The following ABCB5 variants were observed in gnomAD, a reference collection of about 807,000 sequenced individuals.
The protein encoded by ABCB5 is ATP-binding cassette sub-family B member 5.
ABCB5 carries 155 observed loss-of-function variants against 144.2 expected under a neutral mutation model. The observed-to-expected ratio is 1.08, with a 90% CI of 0.94 to 1.23. The LOEUF is 1.23. Among genes scored for constraint, ABCB5 ranks in the 50% most tolerant of loss-of-function variants. The pLI is 0.00. For missense variants in ABCB5, 1,830 were observed against 1,520.8 expected, an observed-to-expected ratio of 1.20 and a Z score of -3.38; for synonymous variants, 610 against 528.6, an observed-to-expected ratio of 1.15 and a Z score of -2.11.
At chr7:20,709,990 G>A (rs114460457) in intron 20 of ABCB5, among the ~76,000 whole-genome samples, 2,675 of 147,826 alleles carry the variant, frequency 0.018, 239 homozygotes, top group African/African-American at 0.063. Context: ...GAAGAGAATC[G>A]CTTGAACCCG....
chr7:20,724,782 G>A (rs879469924), intron 21 of ABCB5, among the ~76,000 whole-genome samples: 15 of 151,982 alleles, frequency 9.9e-5, no homozygotes, highest in Admixed American at 7.9e-4. Flanking sequence ...TAGCATAAAT[G>A]TCATACATAT....
chr7:20,751,910 C>T (rs1782942437), intron 26 of ABCB5, among the ~76,000 whole-genome samples: 1 of 152,228 alleles, frequency 6.6e-6, no homozygotes, highest in African/African-American at 2.4e-5. Context: ...TTTTACTAGG[C>T]TTTAGTAATT....
rs765200528 is a variant in ABCB5, at chr7:20,699,806, A to G, written c.2155-19A>G. On this transcript the variant is annotated intron_variant, in intron 17 of 27. Coordinates refer to ENST00000404938, the MANE Select transcript of ABCB5 (RefSeq NM_001163941.2). ...TATATTTTCCCCCAAACACCTGATA[A>G]AAATCTGTTCCTTTTCAGATGTTTG... 24 of 1,535,496 alleles carry G rather than the reference A, an allele frequency of 1.6e-5. No individual in the cohort carries two copies. The highest frequency in any genetic ancestry group is 2.1e-5 in the Non-Finnish European group (24 of 1,123,682).
At position 20,681,094 on chromosome 7, in the gene ABCB5, T is replaced by C. The variant is rs559741222; in HGVS notation, c.1708-411T>C. On this transcript the variant is annotated intron_variant, in intron 14 of 27. Transcript: ENST00000404938. The stretch of plus-strand genomic sequence containing the variant: ...TTTCTTTCTTTCTTTCTTTCTTTCT[T>C]TCTTTCTTTCTTTCTTTCTTTCTTT... Among the ~76,000 whole-genome samples, 22 of 10,386 alleles carry C rather than the reference T, an allele frequency of 2.1e-3. 1 individual carries two copies. Among genetic ancestry groups the C allele is most frequent in the African/African-American group, 5.4e-3 (20 of 3,708 alleles). The allele number at this position is 10,386 out of a possible 152,430, so 6.8% of individuals were successfully genotyped here. A position where few individuals can be genotyped will look rare whatever the true frequency, so the allele number is the denominator to read the frequency against.
chr7:20,706,857 A>T (rs1786843064), intron 20 of ABCB5, among the ~76,000 whole-genome samples: 3 of 152,252 alleles, frequency 2.0e-5, no homozygotes, highest in Admixed American at 6.5e-5. Flanking sequence ...ATCTAATTTT[A>T]AAAATTAAGT....
At chr7:20,648,880 C>T (rs368429963) in intron 11 of ABCB5, among the ~76,000 whole-genome samples, 1 of 152,126 alleles carries the variant, frequency 6.6e-6, no homozygotes, top group East Asian at 1.9e-4. Flanking sequence ...ACTTAATTAC[C>T]GATTACCATT....
intron 19 of ABCB5, among the ~76,000 whole-genome samples, chr7:20,702,438 G>A (rs774024774): frequency 6.6e-6 from 1 of 152,022 alleles, no homozygotes; most frequent in Admixed American, 6.6e-5. Flanking sequence ...TGAGAAACAG[G>A]TCATGAAACT....
chr7:20,646,011 T>A lies in ABCB5; in HGVS notation c.854T>A (p.Ile285Lys). ...AAGGATTTTGGCATAAAAAGGACTA[T>A]AGCTTCAAAAGTGTCTCTTGGTGCT... ...DAKDFGIKRT[I>K]ASKVSLGAVY... is the part of the protein sequence containing the mutation. Residue 285 changes from isoleucine to lysine, a missense_variant, in exon 9 of 28, where the codon ATA (isoleucine) becomes AAA (lysine). Ile to Lys is a moderately radical substitution (Grantham distance 102, BLOSUM62 -3). Transcript: ENST00000404938. 2 of 1,613,876 alleles carry A rather than the reference T, an allele frequency of 1.2e-6. No individual in the cohort carries two copies. The highest frequency in any genetic ancestry group is 1.7e-6 in the Non-Finnish European group (2 of 1,179,800).
chr7:20,743,382 G>A (rs1583465351), intron 25 of ABCB5, among the ~76,000 whole-genome samples: 1 of 152,164 alleles, frequency 6.6e-6, no homozygotes, highest in Non-Finnish European at 1.5e-5. Context: ...TGTTCACATC[G>A]TGGCTCCGTA....
intron 14 of ABCB5, among the ~76,000 whole-genome samples, 196 bp from the exon 15 acceptor site, chr7:20,681,309 T>C (rs1415280730): frequency 1.3e-5 from 2 of 151,826 alleles, no homozygotes; most frequent in African/African-American, 4.8e-5. Flanking sequence ...GTATTTTCAG[T>C]AGAGATGGAG....
chr7:20,693,637 A>G (rs572204547), intron 16 of ABCB5, among the ~76,000 whole-genome samples: 2 of 152,242 alleles, frequency 1.3e-5, no homozygotes, highest in East Asian at 1.9e-4. Context: ...AAACACCTAT[A>G]CTATCTAAAA....
chr7:20,630,143 A>T (rs1020369441), intron 4 of ABCB5, among the ~76,000 whole-genome samples: 7 of 152,084 alleles, frequency 4.6e-5, no homozygotes, highest in African/African-American at 1.7e-4. Context: ...AGTATTTTTT[A>T]TCTGGTGGAT....
At chr7:20,744,146 C>A (rs577703215) in intron 25 of ABCB5, among the ~76,000 whole-genome samples, 1 of 152,128 alleles carries the variant, frequency 6.6e-6, no homozygotes, top group Non-Finnish European at 1.5e-5. Flanking sequence ...CTCACTGCAA[C>A]CCCCGCCTCT....
chr7:20,683,627 T>G (rs1048002348), intron 15 of ABCB5, among the ~76,000 whole-genome samples: 3 of 152,106 alleles, frequency 2.0e-5, no homozygotes, highest in African/African-American at 7.2e-5. Flanking sequence ...GTGTAAAAAT[T>G]TTAAACACCT....
At chr7:20,628,274 T>G (rs1429788307) in intron 3 of ABCB5, among the ~76,000 whole-genome samples, 1 of 152,106 alleles carries the variant, frequency 6.6e-6, no homozygotes, top group Non-Finnish European at 1.5e-5. Context: ...TTTTCTGTCC[T>G]TGTAATAGTT....
chr7:20,630,450 C>T (rs1248607940), intron 4 of ABCB5, among the ~76,000 whole-genome samples: 1 of 151,822 alleles, frequency 6.6e-6, no homozygotes, highest in Non-Finnish European at 1.5e-5. Context: ...AAATCTTTTA[C>T]GTGTGCTAAT....
intron 1 of ABCB5, among the ~76,000 whole-genome samples, chr7:20,616,616 G>A (rs1301504937): frequency 6.6e-6 from 1 of 152,178 alleles, no homozygotes; most frequent in East Asian, 1.9e-4. Context: ...CTGTCAATAA[G>A]TAAGAATTGG....
chr7:20,740,663 T>C (rs1244279685), intron 24 of ABCB5, among the ~76,000 whole-genome samples: 1 of 152,222 alleles, frequency 6.6e-6, no homozygotes, highest in East Asian at 1.9e-4. Context: ...AACAGAGGAA[T>C]TGAGTATCTC....
intron 14 of ABCB5, among the ~76,000 whole-genome samples, chr7:20,662,318 T>C (rs1156392238): frequency 6.6e-6 from 1 of 152,242 alleles, no homozygotes; most frequent in African/African-American, 2.4e-5. Flanking sequence ...TGCGCCCCGT[T>C]GGTCTTCCTC....
Sources: allele counts gnomAD v4.1 joint callset (sites outside exome capture counted in the v4.1 genomes callset), GRCh38; gene constraint gnomAD v4.1.1; transcripts MANE v1.5; gene names NCBI Gene and HGNC (gene_info 2026-07-23, HGNC 2026-07-21).